The following FRMD4B variants were observed in gnomAD, a reference collection of about 807,000 sequenced individuals.
FRMD4B encodes FERM domain containing 4B, also known as FERM domain-containing protein 4B.
In FRMD4B, 74 loss-of-function variants were observed where a neutral mutation model predicts 141.5. The observed-to-expected ratio is 0.52, with a 90% CI of 0.43 to 0.63. The LOEUF is 0.63. FRMD4B is among the 30% of genes least tolerant of loss of function. FRMD4B has a pLI of 0.00. For synonymous variants in FRMD4B, 506 were observed against 467.9 expected (o/e 1.08, Z -1.05); for missense variants, 1,366 against 1,253.4 (o/e 1.09, Z -1.36).
intron 1 of FRMD4B, among the ~76,000 whole-genome samples, chr3:69,369,562 G>T (rs4241387): frequency 1.3e-5 from 2 of 151,868 alleles, no homozygotes; most frequent in Non-Finnish European, 2.9e-5. Flanking sequence ...TTGAAACTCA[G>T]AGTTGGTTTC....
intron 11 of FRMD4B, among the ~76,000 whole-genome samples, chr3:69,208,292 C>T (rs10440087): frequency 0.016 from 2,358 of 151,884 alleles, 60 homozygotes; most frequent in African/African-American, 0.053. Context: ...TCCAACTCCT[C>T]ACCTCAGGTG....
chr3:69,212,359 CAAAAAAAA>C (rs869309749), intron 11 of FRMD4B, among the ~76,000 whole-genome samples: 2 of 25,360 alleles, frequency 7.9e-5, no homozygotes, highest in East Asian at 3.3e-3. Flanking sequence ...AACCCCGTCT[CAAAAAAAA>C]AAAAAAAAAA....
At chr3:69,464,357 T>G (rs780720450) in intron 1 of FRMD4B, among the ~76,000 whole-genome samples, 3 of 152,114 alleles carry the variant, frequency 2.0e-5, no homozygotes, top group Non-Finnish European at 2.9e-5. Context: ...GGCAAGTGAG[T>G]GCAGTAGGAT....
chr3:69,406,042 A>G (rs1704643329), intron 2 of FRMD4B, among the ~76,000 whole-genome samples: 1 of 152,220 alleles, frequency 6.6e-6, no homozygotes, highest in African/African-American at 2.4e-5. Context: ...AAGAATATCA[A>G]TAACACCACA....
rs202136321 is a variant in FRMD4B, at chr3:69,216,268, G to C, written c.871C>G (p.Arg291Gly). 6.6e-7 allele frequency: 1 copy of C among 1,517,438 alleles called. No homozygotes were observed. Among genetic ancestry groups the C allele is most frequent in the South Asian group, 1.2e-5 (1 of 84,952 alleles). The allele number at this position is 1,517,438 out of a possible 1,614,324, so 94.0% of individuals were successfully genotyped here. A position where few individuals can be genotyped will look rare whatever the true frequency, so the allele number is the denominator to read the frequency against. ...QYDIQDKVKPRKLFQWKQLEN... is the reference protein window; with the variant it reads ...QYDIQDKVKPGKLFQWKQLEN... ...CTAAAGTGATCCACACTTACCTTCC[G>C]AGGCTTCACCTTGTCTTGTATATCA... The change falls in exon 11 of 23, where the codon CGG (arginine) becomes GGG (glycine). Residue 291 changes from arginine to glycine, a missense_variant. Arg to Gly is a moderately radical substitution (Grantham distance 125). Coordinates refer to ENST00000398540, the MANE Select transcript of FRMD4B (RefSeq NM_015123.3).
chr3:69,486,320 C>T (rs1304080924), intron 1 of FRMD4B, among the ~76,000 whole-genome samples: 2 of 152,276 alleles, frequency 1.3e-5, no homozygotes, highest in Admixed American at 1.3e-4. Flanking sequence ...TATGCATCAA[C>T]CGAGCAGTAT....
intron 11 of FRMD4B, among the ~76,000 whole-genome samples, chr3:69,213,148 C>G (rs570173403): frequency 6.6e-6 from 1 of 152,140 alleles, no homozygotes; most frequent in East Asian, 1.9e-4. Flanking sequence ...AGAAATATGG[C>G]AAGGTATGAA....
Position 69,290,410 on chromosome 3 carries a change from C to T in FRMD4B, c.417-2574G>A, listed in dbSNP as rs551397144. ...AGTTGATGGACTGAAGCAGGGTAGC[C>T]GAGTCACTTGTGATGGCAGACACCA... On this transcript the variant is annotated intron_variant, in intron 4 of 22. Coordinates refer to ENST00000398540, the MANE Select transcript of FRMD4B (RefSeq NM_015123.3). Among the ~76,000 whole-genome samples, 48 of 152,156 alleles carry T rather than the reference C, an allele frequency of 3.2e-4. No homozygotes were observed. In the South Asian group the frequency reaches 8.3e-3, roughly 26 times the overall value.
chr3:69,496,503 TG>T (rs1457200730), intron 1 of FRMD4B, among the ~76,000 whole-genome samples: 2 of 152,114 alleles, frequency 1.3e-5, no homozygotes, highest in Non-Finnish European at 2.9e-5. Context: ...TGCTCTTTTT[TG>T]TTGGTTTAGA....
At chr3:69,347,406 A>G (rs957500678) in intron 1 of FRMD4B, among the ~76,000 whole-genome samples, 4 of 152,208 alleles carry the variant, frequency 2.6e-5, no homozygotes, top group African/African-American at 9.6e-5. Context: ...CTCCACTGTC[A>G]ACATCAGACA....
At chr3:69,513,006 T>C (rs767056325) in intron 1 of FRMD4B, among the ~76,000 whole-genome samples, 7 of 151,342 alleles carry the variant, frequency 4.6e-5, no homozygotes, top group Non-Finnish European at 1.0e-4. Flanking sequence ...CTCAAAGAAC[T>C]AGGAAAATAA....
At chr3:69,535,663 G>A (rs535462728) in intron 1 of FRMD4B, 1 of 235,026 alleles carries the variant, frequency 4.3e-6, no homozygotes, top group East Asian at 1.4e-4. Flanking sequence ...CCGGCCCTAG[G>A]ATACAGCCCT....
chr3:69,394,325 C>T (rs998356094), intron 2 of FRMD4B, among the ~76,000 whole-genome samples: 9 of 152,232 alleles, frequency 5.9e-5, no homozygotes, highest in African/African-American at 1.7e-4. Context: ...CAAAGCTCCA[C>T]CAAATACCAT....
intron 5 of FRMD4B, among the ~76,000 whole-genome samples, chr3:69,254,995 C>T (rs1326637311): frequency 6.6e-6 from 1 of 152,074 alleles, no homozygotes; most frequent in African/African-American, 2.4e-5. Context: ...GAGGTTCCAA[C>T]GTACAGGAGA....
rs528203723 is a variant in FRMD4B at position 69,302,336 on chromosome 3, T to A, written c.416+7A>T. 6 of 1,516,444 alleles carry A rather than the reference T, an allele frequency of 4.0e-6. No homozygotes were observed. In the African/African-American group the frequency reaches 6.8e-5, roughly 17 times the overall value. 93.9% of individuals were successfully genotyped at this position (1,516,444 alleles called of 1,614,324 possible). Reference sequence around the variant, plus strand: ...GAGGGATGCTAACTGGGTCTGTGGATACATACCTCACAGCAAAGTGCAAAA... The same window carrying A: ...GAGGGATGCTAACTGGGTCTGTGGAAACATACCTCACAGCAAAGTGCAAAA... On this transcript the variant is annotated splice_region_variant and intron_variant, in intron 4 of 22. Transcript: ENST00000398540.
chr3:69,201,930 G>T (rs2092971727), intron 11 of FRMD4B, among the ~76,000 whole-genome samples: 2 of 152,124 alleles, frequency 1.3e-5, no homozygotes, highest in South Asian at 2.1e-4. Flanking sequence ...TTGGCCGGGC[G>T]CAGTGGCTCA....
At chr3:69,191,627 G>C (rs2092838823) in intron 17 of FRMD4B, among the ~76,000 whole-genome samples, 1 of 152,158 alleles carries the variant, frequency 6.6e-6, no homozygotes, top group South Asian at 2.1e-4. Context: ...ATCTGTATCA[G>C]AAACAAGTGA....
At chr3:69,296,821 A>G (rs1454418102) in intron 4 of FRMD4B, among the ~76,000 whole-genome samples, 1 of 152,148 alleles carries the variant, frequency 6.6e-6, no homozygotes, top group Non-Finnish European at 1.5e-5. Flanking sequence ...GCTTTTCACA[A>G]CTGCATTAAA....
At chr3:69,231,603 A>G (rs1575636966) in intron 7 of FRMD4B, among the ~76,000 whole-genome samples, 1 of 152,156 alleles carries the variant, frequency 6.6e-6, no homozygotes, top group Non-Finnish European at 1.5e-5. Context: ...GCATCCTTCT[A>G]ATTTGTTCTT....
Sources: allele counts gnomAD v4.1 joint callset (sites outside exome capture counted in the v4.1 genomes callset), GRCh38; gene constraint gnomAD v4.1.1; transcripts MANE v1.5; gene names NCBI Gene and HGNC (gene_info 2026-07-23, HGNC 2026-07-21).